The following PHF21A variants were observed in gnomAD, a reference collection of about 807,000 sequenced individuals.
PHF21A encodes the protein PHD finger protein 21A, also known as BHC80a.
Under a neutral mutation model 82.5 loss-of-function variants are expected in PHF21A, and 11 were observed. The ratio of observed to expected loss-of-function variants is 0.13; its 90% confidence interval spans 0.08 to 0.22. PHF21A has a LOEUF of 0.22. Ranked by LOEUF, PHF21A falls within the 10% of genes least tolerant of loss-of-function variation. The pLI is 1.00. For synonymous variants in PHF21A, 297 were observed against 302.8 expected, an observed-to-expected ratio of 0.98 and a Z score of 0.20; for missense variants, 579 against 837.8, an observed-to-expected ratio of 0.69 and a Z score of 3.81.
At chr11:45,985,645 G>T (rs895302885) in intron 6 of PHF21A, among the ~76,000 whole-genome samples, 14 of 152,186 alleles carry the variant, frequency 9.2e-5, no homozygotes, top group African/African-American at 3.1e-4. Context: ...TCTTCATTTT[G>T]TAAGATACTA....
intron 6 of PHF21A, among the ~76,000 whole-genome samples, chr11:45,992,866 C>A (rs964652263): frequency 6.6e-6 from 1 of 152,144 alleles, no homozygotes; most frequent in African/African-American, 2.4e-5. Flanking sequence ...TAATTTAACC[C>A]CTGTCACATA....
chr11:45,938,576 G>A (rs1226522692), intron 15 of PHF21A, among the ~76,000 whole-genome samples: 2 of 151,982 alleles, frequency 1.3e-5, no homozygotes, highest in Admixed American at 6.5e-5. Context: ...TGAAACCTCC[G>A]TACTGAACCC....
chr11:45,995,261 G>C (rs1053224990), intron 6 of PHF21A, among the ~76,000 whole-genome samples: 2 of 152,116 alleles, frequency 1.3e-5, no homozygotes, highest in African/African-American at 4.8e-5. Context: ...TAATCATAGG[G>C]GAGAAAGCAC....
At chr11:45,939,771 CAAAAA>C (rs56931455) in intron 15 of PHF21A, among the ~76,000 whole-genome samples, 1 of 60,386 alleles carries the variant, frequency 1.7e-5, no homozygotes, top group African/African-American at 6.6e-5. Flanking sequence ...GAACATAGCC[CAAAAA>C]AAAAAAAAAA....
intron 15 of PHF21A, among the ~76,000 whole-genome samples, chr11:45,942,679 A>T (rs1407396624): frequency 6.6e-6 from 1 of 152,200 alleles, no homozygotes; most frequent in Non-Finnish European, 1.5e-5. Context: ...CTGTCAAGAG[A>T]ACAGAATTCT....
intron 6 of PHF21A, among the ~76,000 whole-genome samples, chr11:45,999,861 TA>T (rs1182106194): frequency 6.0e-5 from 9 of 150,104 alleles, no homozygotes; most frequent in African/African-American, 2.3e-4. Context: ...AGAAACATCG[TA>T]ACTTTTCTCT....
At chr11:46,087,924 T>C (rs2096875697) in intron 3 of PHF21A, among the ~76,000 whole-genome samples, 1 of 152,140 alleles carries the variant, frequency 6.6e-6, no homozygotes, top group Non-Finnish European at 1.5e-5. Flanking sequence ...CCTGGCTAAT[T>C]TTTGTATTTT....
Position 45,930,914 on chromosome 11 carries a change from C to A in PHF21A, c.*3054G>T, listed in dbSNP as rs550272279. ...TCTCAGGTGGTCACAGGCCCCCCCC[C>A]CTCCCCGCCCAGGTCTGAGGGGACA... On this transcript the variant is annotated 3_prime_UTR_variant, in exon 19 of 19. Transcript: ENST00000676320. 1 of 151,172 alleles carries A rather than the reference C, an allele frequency of 6.6e-6. No individual in the cohort carries two copies. The highest frequency in any genetic ancestry group is 2.2e-4 in the South Asian group (1 of 4,646). The allele number at this position is 151,172 out of a possible 1,614,324, so 9.4% of individuals were successfully genotyped here.
chr11:45,951,808 T>TA (rs58263597), intron 11 of PHF21A, among the ~76,000 whole-genome samples: 1 of 3,260 alleles, frequency 3.1e-4, no homozygotes, highest in African/African-American at 4.4e-4. Context: ...GTGGAATAAA[T>TA]TTTTTTTTTT....
intron 6 of PHF21A, among the ~76,000 whole-genome samples, chr11:46,063,109 A>G (rs1269857819): frequency 6.6e-6 from 1 of 152,200 alleles, no homozygotes; most frequent in Non-Finnish European, 1.5e-5. Context: ...AAGTGGGGAG[A>G]GGAATAGAGA....
At chr11:46,118,410 C>A (rs1851986994) in intron 1 of PHF21A, among the ~76,000 whole-genome samples, 1 of 119,226 alleles carries the variant, frequency 8.4e-6, no homozygotes, top group African/African-American at 3.0e-5. Context: ...AAGCAAAAGT[C>A]TGATGTTAAA....
chr11:46,085,878 AAATCTC>A (rs1436373724), intron 3 of PHF21A, among the ~76,000 whole-genome samples: 1 of 152,102 alleles, frequency 6.6e-6, no homozygotes, highest in Non-Finnish European at 1.5e-5. Context: ...ACATCAGCAG[AAATCTC>A]TCTCTCAGGG....
At chr11:45,971,890 C>CTTTCTTTTTTTTTTTTTTTTTTTT (rs57081937) in intron 7 of PHF21A, among the ~76,000 whole-genome samples, 2,485 of 50,218 alleles carry the variant, frequency 0.049, 919 homozygotes, top group Non-Finnish European at 0.072. Flanking sequence ...CTTTTTCTTT[C>CTTTCTTTTTTTTTTTTTTTTTTTT]TTTTTTTTTT....
intron 11 of PHF21A, among the ~76,000 whole-genome samples, chr11:45,951,395 G>C (rs1358536981): frequency 6.6e-6 from 1 of 152,178 alleles, no homozygotes. Context: ...ACATAGAAAT[G>C]TCATTTACTG....
rs537491640 is a variant in PHF21A, at chr11:46,096,314, T to A, written c.-236-4091A>T. Among the ~76,000 whole-genome samples the A allele has an allele frequency of 6.1e-4, 92 of 151,880 alleles. 1 individual carries two copies. The South Asian group carries it at 0.018, about 30-fold the overall frequency. On this transcript the variant is annotated intron_variant, in intron 1 of 18. Coordinates refer to ENST00000676320, the MANE Select transcript of PHF21A (RefSeq NM_001352027.3). ...AAAAAAAAAAACCCTCTTGACTCCA[T>A]ATCCTTCTCTAGTTATTGTCCCCGT...
At chr11:46,018,939 G>A (rs985799552) in intron 6 of PHF21A, among the ~76,000 whole-genome samples, 3 of 152,108 alleles carry the variant, frequency 2.0e-5, no homozygotes, top group African/African-American at 4.8e-5. Context: ...CAAAATCAAT[G>A]TATCATACCG....
chr11:46,070,374 A>C (rs2096642513), intron 6 of PHF21A, among the ~76,000 whole-genome samples: 1 of 151,830 alleles, frequency 6.6e-6, no homozygotes, highest in African/African-American at 2.4e-5. Flanking sequence ...TGTGTTGCCC[A>C]GGCTGGAGTG....
At chr11:46,006,587 G>C (rs2095301800) in intron 6 of PHF21A, among the ~76,000 whole-genome samples, 1 of 152,260 alleles carries the variant, frequency 6.6e-6, no homozygotes, top group Admixed American at 6.5e-5. Context: ...GCCTGAGCTA[G>C]AGGATGAAGT....
At chr11:46,003,859 A>G (rs1312718423) in intron 6 of PHF21A, among the ~76,000 whole-genome samples, 6 of 152,122 alleles carry the variant, frequency 3.9e-5, no homozygotes, top group Non-Finnish European at 8.8e-5. Flanking sequence ...TTGCAACCTA[A>G]TATTCTTCAC....
Sources: allele counts gnomAD v4.1 joint callset (sites outside exome capture counted in the v4.1 genomes callset), GRCh38; gene constraint gnomAD v4.1.1; transcripts MANE v1.5; gene names NCBI Gene and HGNC (gene_info 2026-07-23, HGNC 2026-07-21).